The following CDH18 variants were observed in gnomAD, a reference collection of about 807,000 sequenced individuals.
The protein encoded by CDH18 is cadherin-18.
Under a neutral mutation model 67.9 loss-of-function variants are expected in CDH18, and 31 were observed. That is an observed-to-expected ratio of 0.46 (90% CI 0.34 to 0.62). The LOEUF (loss-of-function observed/expected upper bound fraction) is 0.62, where lower values mean the gene tolerates loss of function less well. Ranked by LOEUF, CDH18 falls within the 20% of genes least tolerant of loss-of-function variation. The pLI is 0.01. For synonymous variants in CDH18, 362 were observed against 347.2 expected (o/e 1.04, Z -0.48); for missense variants, 890 against 975.5 (o/e 0.91, Z 1.17).
chr5:19,629,601 T>C (rs1285212866), intron 5 of CDH18, among the ~76,000 whole-genome samples: 1 of 152,180 alleles, frequency 6.6e-6, no homozygotes, highest in East Asian at 1.9e-4. Context: ...TAAAAGTCAA[T>C]CTATCTAATC....
intron 8 of CDH18, among the ~76,000 whole-genome samples, chr5:19,553,943 C>T (rs1737920026): frequency 6.6e-6 from 1 of 152,018 alleles, no homozygotes; most frequent in Non-Finnish European, 1.5e-5. Flanking sequence ...CCTGGACTCA[C>T]CTTTAGCTTA....
At chr5:20,213,750 C>G (rs2126399962) in intron 2 of CDH18, among the ~76,000 whole-genome samples, 1 of 152,042 alleles carries the variant, frequency 6.6e-6, no homozygotes, top group South Asian at 2.1e-4. Flanking sequence ...TTGACTGTTT[C>G]TAATTGTTTT....
intron 1 of CDH18, among the ~76,000 whole-genome samples, chr5:20,560,998 T>C (rs1216763106): frequency 6.6e-6 from 1 of 152,010 alleles, no homozygotes; most frequent in South Asian, 2.1e-4. Flanking sequence ...TAGAAAGTAA[T>C]ATAAAACAAT....
intron 10 of CDH18, among the ~76,000 whole-genome samples, chr5:19,515,282 T>C (rs1745797025): frequency 6.6e-6 from 1 of 152,222 alleles, no homozygotes; most frequent in Non-Finnish European, 1.5e-5. Context: ...GGTAGCGTGA[T>C]GCCTCCAGCT....
intron 2 of CDH18, among the ~76,000 whole-genome samples, chr5:20,124,062 T>C (rs1580297023): frequency 6.6e-6 from 1 of 152,146 alleles, no homozygotes. Context: ...TCATAGTTAA[T>C]ATAGCTGTTC....
intron 2 of CDH18, among the ~76,000 whole-genome samples, chr5:20,086,651 C>T (rs904534933): frequency 6.6e-6 from 1 of 151,400 alleles, no homozygotes; most frequent in African/African-American, 2.5e-5. Context: ...TATGCTAAAT[C>T]TACTCTGTAC....
intron 2 of CDH18, among the ~76,000 whole-genome samples, chr5:20,038,373 C>A (rs78531812): frequency 3.3e-5 from 5 of 152,066 alleles, no homozygotes; most frequent in African/African-American, 1.2e-4. Flanking sequence ...ATCCTGATAC[C>A]AAAACCTGGC....
intron 5 of CDH18, among the ~76,000 whole-genome samples, chr5:19,614,628 G>T (rs538956401): frequency 6.6e-6 from 1 of 151,996 alleles, no homozygotes. Flanking sequence ...AGAAATATGA[G>T]ATTATTATCA....
intron 1 of CDH18, among the ~76,000 whole-genome samples, chr5:20,352,292 T>A (rs2150058871): frequency 6.6e-6 from 1 of 152,230 alleles, no homozygotes; most frequent in Non-Finnish European, 1.5e-5. Flanking sequence ...AGTCAACATA[T>A]TTTCTCTTTT....
intron 6 of CDH18, among the ~76,000 whole-genome samples, chr5:19,607,112 A>G (rs926284669): frequency 2.2e-4 from 34 of 151,820 alleles, no homozygotes; most frequent in African/African-American, 7.7e-4. Context: ...GTAAATTTAT[A>G]TAGAAAAGCT....
rs565745237 is a variant in CDH18, at chr5:20,315,605, A to C, written c.-579-60100T>G. 3.5e-4 allele frequency among the ~76,000 whole-genome samples: 54 copies of C among 152,148 alleles called. 1 individual carries two copies. In the South Asian group the frequency reaches 0.011, roughly 32 times the overall value. ...TACCAATCTCCCTCCAACTCACTATACTGCACTTGGCAACTTGCTTCTCCA... is the reference window on the plus strand; with the variant it reads ...TACCAATCTCCCTCCAACTCACTATCCTGCACTTGGCAACTTGCTTCTCCA... On this transcript the variant is annotated intron_variant, in intron 1 of 14. Transcript: ENST00000507958.
At chr5:20,069,644 C>T (rs891327603) in intron 2 of CDH18, among the ~76,000 whole-genome samples, 4 of 152,070 alleles carry the variant, frequency 2.6e-5, no homozygotes, top group African/African-American at 7.2e-5. Flanking sequence ...ATCTCTTGAC[C>T]TCATGATCTG....
intron 3 of CDH18, among the ~76,000 whole-genome samples, chr5:19,748,788 T>G (rs1770458831): frequency 6.6e-6 from 1 of 152,130 alleles, no homozygotes; most frequent in Non-Finnish European, 1.5e-5. Flanking sequence ...AAAAGATTTT[T>G]TTTCTGGGAA....
At chr5:19,801,218 A>G (rs1013411091) in intron 3 of CDH18, among the ~76,000 whole-genome samples, 5 of 152,208 alleles carry the variant, frequency 3.3e-5, no homozygotes, top group African/African-American at 1.2e-4. Flanking sequence ...ATCTTTTTTA[A>G]AAGAATATTT....
chr5:19,660,976 GA>G (rs1388626693), intron 5 of CDH18, among the ~76,000 whole-genome samples: 101 of 147,964 alleles, frequency 6.8e-4, no homozygotes, highest in Non-Finnish European at 1.0e-3. Flanking sequence ...CAATAACGGT[GA>G]AAAAAAAAGA....
chr5:20,394,651 A>C (rs1177552227), intron 1 of CDH18, among the ~76,000 whole-genome samples: 6 of 152,076 alleles, frequency 3.9e-5, no homozygotes, highest in Non-Finnish European at 8.8e-5. Context: ...ATATAACCCA[A>C]AGAATGGGAG....
At chr5:19,656,066 C>T (rs559227581) in intron 5 of CDH18, among the ~76,000 whole-genome samples, 1 of 140,914 alleles carries the variant, frequency 7.1e-6, no homozygotes, top group South Asian at 2.2e-4. Flanking sequence ...GAAATTCTGG[C>T]TGTGAAATAT....
chr5:20,374,180 T>G (rs1290912512), intron 1 of CDH18, among the ~76,000 whole-genome samples: 1 of 152,198 alleles, frequency 6.6e-6, no homozygotes, highest in Non-Finnish European at 1.5e-5. Context: ...CAGGTATGTC[T>G]GATTTAGTAA....
At chr5:20,549,483 T>TA (rs1259822308) in intron 1 of CDH18, among the ~76,000 whole-genome samples, 1 of 152,114 alleles carries the variant, frequency 6.6e-6, no homozygotes, top group Non-Finnish European at 1.5e-5. Flanking sequence ...GAGATACTCT[T>TA]AGATTTACTA....
Sources: allele counts gnomAD v4.1 joint callset (sites outside exome capture counted in the v4.1 genomes callset), GRCh38; gene constraint gnomAD v4.1.1; transcripts MANE v1.5; gene names NCBI Gene and HGNC (gene_info 2026-07-23, HGNC 2026-07-21).